NID1: variants seen among roughly 807,000 people sequenced by gnomAD.
NID1 encodes nidogen 1.
Under a neutral mutation model 130.6 loss-of-function variants are expected in NID1, and 76 were observed. The ratio of observed to expected loss-of-function variants is 0.58; its 90% CI spans 0.48 to 0.70. The LOEUF (loss-of-function observed/expected upper bound fraction) is 0.70, where lower values mean the gene tolerates loss of function less well. NID1 is among the 30% of genes least tolerant of loss of function. NID1 has a pLI of 0.00. For synonymous variants in NID1, 665 were observed against 675.1 expected, an observed-to-expected ratio of 0.98 and a Z score of 0.23; for missense variants, 1,517 against 1,664.8, an observed-to-expected ratio of 0.91 and a Z score of 1.54.
intron 12 of NID1, among the ~76,000 whole-genome samples, chr1:235,994,579 G>A (rs1657866456): frequency 6.6e-6 from 1 of 152,210 alleles, no homozygotes; most frequent in African/African-American, 2.4e-5. Context: ...ATATTGCATT[G>A]TAGGGACAGA....
At chr1:235,980,467 G>T in intron 17 of NID1, 29 bp downstream of exon 17, 3 of 1,612,408 alleles carry the variant, frequency 1.9e-6, no homozygotes, top group Middle Eastern at 1.8e-4. Context: ...ATTGAGACCC[G>T]CCCTGGACAG....
At chr1:235,988,665 C>A (rs745478857) in intron 14 of NID1, among the ~76,000 whole-genome samples, 1 of 152,122 alleles carries the variant, frequency 6.6e-6, no homozygotes, top group Non-Finnish European at 1.5e-5. Flanking sequence ...ACGGCAGATC[C>A]GTACAATGGG....
chr1:236,004,496 C>T lies in NID1; in HGVS notation c.2527+7425G>A, dbSNP rs184783564. ...TTAAAGACTAAGCCAGGCGCGGTGG[C>T]TCATGCCTATAATTCCAGCACTTTG... On this transcript the variant is annotated intron_variant, in intron 12 of 19. Transcript: ENST00000264187. Among the ~76,000 whole-genome samples, 43 of 152,304 alleles carry T rather than the reference C, an allele frequency of 2.8e-4. 1 individual carries two copies. Among genetic ancestry groups the T allele is most frequent in the Admixed American group, 2.5e-3 (39 of 15,296 alleles).
chr1:236,050,167 G>A (rs546191971), intron 1 of NID1, among the ~76,000 whole-genome samples: 23 of 152,270 alleles, frequency 1.5e-4, no homozygotes, highest in African/African-American at 5.1e-4. Context: ...TTGAACCCAC[G>A]GAGTCCGACT....
At position 236,041,940 on chromosome 1, in the gene NID1, C is replaced by T. The variant is rs1275245392; in HGVS notation, c.1105G>A (p.Asp369Asn). Residue 369 changes from aspartate (D) to asparagine (N), a missense_variant, in exon 4 of 20, where the codon GAT becomes AAT. By Grantham distance (23) the Asp-to-Asn change is conservative. Around this residue, in one of 3 missense-constraint regions of NID1, gnomAD observed 1,329 missense variants for 1,429.2 expected, o/e 0.93. Coordinates refer to ENST00000264187, the MANE Select transcript of NID1 (RefSeq NM_002508.3). ...CCTGTTTCCTCAACTTCATCCACAT[C>T]TATGACCTGAGGGTGCTGCTGGTGA... ...TFHQQHPQVIDVDEVEETGVV... is the reference protein window; with the variant it reads ...TFHQQHPQVINVDEVEETGVV... The T allele has an allele frequency of 6.2e-7, 1 of 1,613,418 alleles. No homozygotes were observed. Among genetic ancestry groups the T allele is most frequent in the East Asian group, 2.2e-5 (1 of 44,858 alleles).
chr1:236,039,804 A>G (rs939351112), intron 4 of NID1, among the ~76,000 whole-genome samples: 10 of 152,208 alleles, frequency 6.6e-5, no homozygotes, highest in African/African-American at 2.4e-4. Context: ...GGAGCCGAGC[A>G]CACTTGAGCC....
intron 15 of NID1, among the ~76,000 whole-genome samples, chr1:235,984,667 C>T (rs1054972538): frequency 5.3e-5 from 8 of 152,134 alleles, no homozygotes; most frequent in East Asian, 3.8e-4. Flanking sequence ...GTTGATGAGT[C>T]GCTGAATTAA....
rs951422429 is a variant in NID1 at position 235,976,618 on chromosome 1, T to C, written c.*1249A>G. The C allele has an allele frequency of 1.3e-5, 2 of 152,172 alleles. No individual in the cohort carries two copies. The highest frequency in any genetic ancestry group is 2.9e-5 in the Non-Finnish European group (2 of 68,034). The allele number at this position is 152,172 out of a possible 1,614,324, so 9.4% of individuals were successfully genotyped here. On this transcript the variant is annotated 3_prime_UTR_variant, in exon 20 of 20. Coordinates refer to ENST00000264187, the MANE Select transcript of NID1 (RefSeq NM_002508.3). ...CTCTGGGAAGCAGTTGATAAAAAGA[T>C]AACACGAGCTACTGATATGGTCAGG...
chr1:235,996,175 C>CA (rs1232864309), intron 12 of NID1, among the ~76,000 whole-genome samples: 1 of 151,914 alleles, frequency 6.6e-6, no homozygotes, highest in African/African-American at 2.4e-5. Context: ...AACGAAAACC[C>CA]AAAAAACCAA....
intron 1 of NID1, among the ~76,000 whole-genome samples, chr1:236,059,653 A>C (rs533026408): frequency 6.6e-6 from 1 of 152,338 alleles, no homozygotes; most frequent in East Asian, 1.9e-4. Flanking sequence ...AGAAATAGAA[A>C]CAAAAGGATT....
chr1:236,017,268 C>T lies in NID1; in HGVS notation c.2134G>A (p.Asp712Asn), dbSNP rs373911691. The T allele has an allele frequency of 3.5e-5, 57 of 1,613,712 alleles. No individual in the cohort carries two copies. In the African/African-American group the frequency reaches 7.1e-4, roughly 20 times the overall value. ...ACTGAGGGTTGTTCTGAACATTCAT[C>T]AATATCTGCAGCAAAAATTTTTTTT... is the stretch of plus-strand genomic sequence containing the variant. ...RGDGRTCYDIDECSEQPSVCG... is the reference protein window; with the variant it reads ...RGDGRTCYDINECSEQPSVCG... The change falls in exon 10 of 20, where the codon GAT (aspartate) becomes AAT (asparagine). Residue 712 changes from aspartate to asparagine, a missense_variant. Asp to Asn is a conservative substitution (Grantham distance 23, BLOSUM62 1). This residue lies in a region of NID1 where 1,329 missense variants were observed against 1,429.2 expected (regional missense o/e 0.93). Coordinates refer to ENST00000264187, the MANE Select transcript of NID1 (RefSeq NM_002508.3).
At position 236,048,762 on chromosome 1, in the gene NID1, G is replaced by A. The variant is rs201727792; in HGVS notation, c.453C>T (p.Ser151=). ...CGGATTCCCAAGTGACAACCACCGC[G>A]CTACTAGGCTGGAAAGAGATCTCCG... ...GFPEISFQPS[S]AVVVTWESVA... The change falls in exon 2 of 20, where the codon AGC becomes AGT. Residue 151 remains serine, a synonymous_variant. Coordinates refer to ENST00000264187, the MANE Select transcript of NID1 (RefSeq NM_002508.3). The A allele has an allele frequency of 1.5e-5, 25 of 1,613,542 alleles. No individual in the cohort carries two copies. Among genetic ancestry groups the A allele is most frequent in the African/African-American group, 1.2e-4 (9 of 75,006 alleles).
At chr1:236,029,186 A>T (rs1237317245) in intron 7 of NID1, among the ~76,000 whole-genome samples, 1 of 152,158 alleles carries the variant, frequency 6.6e-6, no homozygotes, top group African/African-American at 2.4e-5. Flanking sequence ...TCAAAAAAAA[A>T]AAAAAGTACA....
At chr1:236,063,478 A>AT (rs1558454427) in intron 1 of NID1, among the ~76,000 whole-genome samples, 3 of 145,418 alleles carry the variant, frequency 2.1e-5, no homozygotes, top group African/African-American at 8.0e-5. Flanking sequence ...TCTCAAAAAA[A>AT]AAAATAAATA....
At position 236,017,371 on chromosome 1, in the gene NID1, A is replaced by G. The variant is rs1204943859; in HGVS notation, c.2129-98T>C. 1.3e-5 allele frequency: 18 copies of G among 1,358,756 alleles called. 1 individual carries two copies. In the South Asian group the frequency reaches 2.2e-4, roughly 16 times the overall value. The allele number at this position is 1,358,756 out of a possible 1,614,324, so 84.2% of individuals were successfully genotyped here. A position where few individuals can be genotyped will look rare whatever the true frequency, so the allele number is the denominator to read the frequency against. ...AGCATTGTCACCTAAGAATAGATCA[A>G]TTTTAAAACAAAATTTTCTTTTTTT... On this transcript the variant is annotated intron_variant, in intron 9 of 19. Coordinates refer to ENST00000264187, the MANE Select transcript of NID1 (RefSeq NM_002508.3).
At chr1:236,003,838 C>A (rs183163508) in intron 12 of NID1, among the ~76,000 whole-genome samples, 17 of 152,164 alleles carry the variant, frequency 1.1e-4, no homozygotes, top group Admixed American at 1.1e-3. Flanking sequence ...CCACTGCACT[C>A]CAGCCTGGGC....
intron 13 of NID1, 68 bp from the exon 14 acceptor site, chr1:235,991,126 C>T: frequency 2.3e-6 from 3 of 1,324,296 alleles, no homozygotes; most frequent in Non-Finnish European, 2.0e-6. Context: ...CACACACACA[C>T]ACCCCCACAC....
Position 236,065,020 on chromosome 1 carries a change from C to T in NID1, c.60G>A (p.Leu20=). The T allele has an allele frequency of 2.6e-6, 4 of 1,561,080 alleles. No individual in the cohort carries two copies. Among genetic ancestry groups the T allele is most frequent in the Non-Finnish European group, 3.5e-6 (4 of 1,152,984 alleles). Residue 20 remains leucine (L), a synonymous_variant, in exon 1 of 20, where the codon CTG becomes CTA. Coordinates refer to ENST00000264187, the MANE Select transcript of NID1 (RefSeq NM_002508.3). The surrounding 1 kb of genome is among the most constrained non-coding windows in gnomAD (Gnocchi z 4.1). ...GGCAGCCCACAGGCCCCGCCAGCAG[C>T]AGCGGCAGCAGCAGCGCCCGCGTCC... ...AAWTRALLLP[L]LLAGPVGCLS...
intron 12 of NID1, among the ~76,000 whole-genome samples, chr1:236,009,591 A>T (rs547411352): frequency 2.0e-5 from 3 of 152,312 alleles, no homozygotes; most frequent in Admixed American, 6.5e-5. Context: ...ATATTTTCAC[A>T]TAGGCTTATG....
Sources: gnomAD v4.1 joint callset for allele counts (sites outside exome capture counted in the v4.1 genomes callset) on GRCh38, gnomAD v4.1.1 for gene constraint, gnomAD v4.1.1 regional missense constraint, Gnocchi (gnomAD v3.1) non-coding constraint, MANE v1.5 for transcripts, NCBI Gene and HGNC (gene_info 2026-07-23, HGNC 2026-07-21) for gene names.